The following KIF1C variants were observed in gnomAD, a reference collection of about 807,000 sequenced individuals.
KIF1C encodes the protein kinesin-like protein KIF1C.
A neutral mutation model predicts 126.5 loss-of-function variants in KIF1C; 61 were observed. That is an observed-to-expected ratio of 0.48 (90% CI 0.39 to 0.60). The LOEUF (loss-of-function observed/expected upper bound fraction) is 0.60, where lower values mean the gene tolerates loss of function less well. KIF1C is among the 20% of genes least tolerant of loss of function. The probability of loss-of-function intolerance (pLI) is 0.00; values close to 1 mark genes in which losing one functional copy is unlikely to be tolerated. For missense variants in KIF1C, 1,315 were observed against 1,489.2 expected (o/e 0.88, Z 1.93); for synonymous variants, 640 against 580.6 (o/e 1.10, Z -1.47).
Position 5,013,676 on chromosome 17 carries a change from C to G in KIF1C, c.1515C>G (p.Asn505Lys). The change falls in exon 17 of 23, where the codon AAC (asparagine) becomes AAG (lysine). Residue 505 changes from asparagine to lysine, a missense_variant. By Grantham distance (94) the Asn-to-Lys change is moderately conservative (BLOSUM62 0). This residue lies in a region of KIF1C where 874 missense variants were observed against 1,053.2 expected (regional missense o/e 0.83). Coordinates refer to ENST00000320785, the MANE Select transcript of KIF1C (RefSeq NM_006612.6). ...PKKTPHLVNLNEDPLMSECLL... is the reference protein window; with the variant it reads ...PKKTPHLVNLKEDPLMSECLL... ...AGACTCCCCACCTGGTGAACCTGAA[C>G]GAAGACCCTCTGATGTCTGAGTGTC... 1 of 1,613,750 alleles carries G rather than the reference C, an allele frequency of 6.2e-7. No individual in the cohort carries two copies. The highest frequency in any genetic ancestry group is 8.5e-7 in the Non-Finnish European group (1 of 1,179,740).
At chr17:5,003,482 T>A in intron 8 of KIF1C, 130 bp from the exon 9 acceptor site, 1 of 628,756 alleles carries the variant, frequency 1.6e-6, no homozygotes, top group African/African-American at 1.8e-5. Context: ...TCCCCCGGCC[T>A]CCTCCCTCGC....
At chr17:5,007,208 C>T (rs959092068) in intron 14 of KIF1C, 55 bp from the exon 15 acceptor site, 2 of 1,577,426 alleles carry the variant, frequency 1.3e-6, no homozygotes, top group African/African-American at 2.7e-5. Context: ...GTTGTCCCTA[C>T]CCTGGGTCTG....
intron 6 of KIF1C, 144 bp from the exon 7 acceptor site, chr17:5,002,320 C>T (rs1391471396): frequency 1.4e-5 from 13 of 941,908 alleles, no homozygotes; most frequent in Non-Finnish European, 2.1e-5. Context: ...GCTTGTTGGG[C>T]AGGTCGCTGA....
chr17:5,012,468 A>G (rs1172131403), intron 16 of KIF1C, among the ~76,000 whole-genome samples: 1 of 152,090 alleles, frequency 6.6e-6, no homozygotes, highest in Non-Finnish European at 1.5e-5. Context: ...GAGTGGAAGT[A>G]CAGAGTCTGG....
rs185481298 is a variant in KIF1C, at chr17:5,009,731, T to G, written c.1491+2189T>G. On this transcript the variant is annotated intron_variant, in intron 16 of 22. Transcript: ENST00000320785. ...TGAACCCGGGAGGCAGAGGTTGCAG[T>G]GAGCTGAGATCGCACCACTGCACTC... Among the ~76,000 whole-genome samples the G allele has an allele frequency of 6.9e-4, 101 of 147,202 alleles. No individual in the cohort carries two copies. The East Asian group carries it at 0.014, about 20-fold the overall frequency.
In KIF1C at chr17:5,003,535, C is replaced by G; in HGVS notation, c.721-77C>G. ...TAGCCCTTGCCAGCTGCCCACATTC[C>G]TGCTGGGTGCTTCCCTGATTTCCCT... is the stretch of plus-strand genomic sequence containing the variant. On this transcript the variant is annotated intron_variant, in intron 8 of 22. Coordinates refer to ENST00000320785, the MANE Select transcript of KIF1C (RefSeq NM_006612.6). 3 of 1,048,816 alleles carry G rather than the reference C, an allele frequency of 2.9e-6. No homozygotes were observed. The South Asian group carries it at 4.6e-5, about 16-fold the overall frequency. 65.0% of individuals were successfully genotyped at this position (1,048,816 alleles called of 1,614,324 possible). A position where few individuals can be genotyped will look rare whatever the true frequency, so the allele number is the denominator to read the frequency against.
At chr17:5,001,113 G>A in intron 4 of KIF1C, 109 bp from the exon 5 acceptor site, 5 of 1,193,532 alleles carry the variant, frequency 4.2e-6, no homozygotes, top group Non-Finnish European at 4.9e-6. Flanking sequence ...AGGGCACACA[G>A]GACATTTGGG....
Position 5,020,755 on chromosome 17 carries a change from T to C in KIF1C, c.1938-51T>C, listed in dbSNP as rs749445282. 1 of 1,603,014 alleles carries C rather than the reference T, an allele frequency of 6.2e-7. No homozygotes were observed. Among genetic ancestry groups the C allele is most frequent in the South Asian group, 1.1e-5 (1 of 90,108 alleles). ...GGCCTCTGGGCCCGTGTCCTCCTCT[T>C]GTCAGATACTCACCAAGGTTGCTCT... is the stretch of plus-strand genomic sequence containing the variant. On this transcript the variant is annotated intron_variant, in intron 20 of 22. Transcript: ENST00000320785. The surrounding 1 kb of genome is among the most constrained non-coding windows in gnomAD (Gnocchi z 5.8).
intron 16 of KIF1C, among the ~76,000 whole-genome samples, chr17:5,011,002 C>T (rs1169250301): frequency 6.6e-6 from 1 of 151,940 alleles, no homozygotes; most frequent in Non-Finnish European, 1.5e-5. Context: ...CCAATTTATA[C>T]TCCCAAGGGT....
intron 1 of KIF1C, among the ~76,000 whole-genome samples, chr17:4,999,631 C>T (rs1273693454): frequency 1.3e-5 from 2 of 152,186 alleles, no homozygotes; most frequent in African/African-American, 4.8e-5. Flanking sequence ...CTTTCTCTCT[C>T]TGTCCTCTAT....
chr17:5,017,015 G>A (rs1974985352), intron 18 of KIF1C, among the ~76,000 whole-genome samples: 3 of 152,098 alleles, frequency 2.0e-5, no homozygotes, highest in South Asian at 2.1e-4. Context: ...AAATGCTTCC[G>A]GCATTTTGGG....
At chr17:5,018,835 G>A (rs539555424) in intron 18 of KIF1C, among the ~76,000 whole-genome samples, 326 of 152,296 alleles carry the variant, frequency 2.1e-3, no homozygotes, top group African/African-American at 7.6e-3. Flanking sequence ...TATCACCAAT[G>A]TATTTCTGAG....
Position 5,000,032 on chromosome 17 carries a change from A to G in KIF1C, c.-28+62A>G, listed in dbSNP as rs980155341. On this transcript the variant is annotated intron_variant, in intron 2 of 22. Coordinates refer to ENST00000320785, the MANE Select transcript of KIF1C (RefSeq NM_006612.6). Reference sequence around the variant, plus strand: ...GAATATGGCTGGGGAGAGAGGCAGAAATACCTTTGGGAGTCTCTCAAGACA... The same window carrying G: ...GAATATGGCTGGGGAGAGAGGCAGAGATACCTTTGGGAGTCTCTCAAGACA... 5.4e-6 allele frequency: 3 copies of G among 560,580 alleles called. No individual in the cohort carries two copies. In the African/African-American group the frequency reaches 5.7e-5, roughly 11 times the overall value. 34.7% of individuals were successfully genotyped at this position (560,580 alleles called of 1,614,324 possible). A position where few individuals can be genotyped will look rare whatever the true frequency, so the allele number is the denominator to read the frequency against.
intron 18 of KIF1C, among the ~76,000 whole-genome samples, chr17:5,018,057 T>C (rs1424752538): frequency 1.3e-5 from 2 of 152,098 alleles, no homozygotes; most frequent in Non-Finnish European, 2.9e-5. Flanking sequence ...CATGGTTCAC[T>C]GTAGCCTCAA....
At chr17:5,000,011 A>G (rs970107588) in intron 2 of KIF1C, 41 bp downstream of exon 2, 8 of 523,600 alleles carry the variant, frequency 1.5e-5, no homozygotes, top group Admixed American at 1.3e-4. Flanking sequence ...AAGCTGGAAT[A>G]TGGCTGGGGA....
At position 5,006,957 on chromosome 17, in the gene KIF1C, C is replaced by T. The variant is rs371688297; in HGVS notation, c.1208C>T (p.Ala403Val). 5.5e-5 allele frequency: 88 copies of T among 1,609,080 alleles called. 1 individual carries two copies. Among genetic ancestry groups the T allele is most frequent in the Non-Finnish European group, 7.4e-5 (87 of 1,178,758 alleles). The change falls in exon 14 of 23, where the codon GCT becomes GTT. Residue 403 changes from alanine (A) to valine (V), a missense_variant. Transcript: ENST00000320785. ...GGGAGTGTCAGAGGCGCCCTGCCAG[C>T]TGTGTCATCTCCCCCAGCTCCAGTT... Reference protein sequence around the residue: ...EEGSVRGALPAVSSPPAPVSP... With the variant: ...EEGSVRGALPVVSSPPAPVSP...
At position 5,023,801 on chromosome 17, in the gene KIF1C, C is replaced by T. The variant is rs376256028; in HGVS notation, c.2962C>T (p.Arg988Trp). ...RFPFKSNPQH[R>W]ESWPGMGSGE... ...CCCCTTCAAGAGCAACCCCCAGCAC[C>T]GGGAGTCTTGGCCAGGGATGGGGAG... The change falls in exon 23 of 23, where the codon CGG (arginine) becomes TGG (tryptophan). Residue 988 changes from arginine (R) to tryptophan (W), a missense_variant. Coordinates refer to ENST00000320785, the MANE Select transcript of KIF1C (RefSeq NM_006612.6). The surrounding 1 kb of genome is among the most constrained non-coding windows in gnomAD (Gnocchi z 4.2). 23 of 1,519,074 alleles carry T rather than the reference C, an allele frequency of 1.5e-5. No homozygotes were observed. The highest frequency in any genetic ancestry group is 1.9e-5 in the Non-Finnish European group (22 of 1,135,534). The allele number at this position is 1,519,074 out of a possible 1,614,324, so 94.1% of individuals were successfully genotyped here.
rs775728965 is a variant in KIF1C, at chr17:5,007,524, C to G, written c.1473C>G (p.Gly491=). ...VAVREDGGTV[G]VFSPKKTPHL... is the part of the protein sequence containing the mutation. Reference sequence around the variant, plus strand: ...TCCGGGAGGATGGGGGAACTGTGGGCGTCTTCTCTCCAAAGAAGGTGAGTG... The same window carrying G: ...TCCGGGAGGATGGGGGAACTGTGGGGGTCTTCTCTCCAAAGAAGGTGAGTG... Residue 491 remains glycine, a synonymous_variant, in exon 16 of 23, where the codon GGC becomes GGG. Transcript: ENST00000320785. 5.8e-6 allele frequency: 9 copies of G among 1,559,754 alleles called. No homozygotes were observed. Among genetic ancestry groups the G allele is most frequent in the Middle Eastern group, 3.5e-4 (2 of 5,752 alleles).
At position 5,023,868 on chromosome 17, in the gene KIF1C, C is replaced by G. The variant is rs747596325; in HGVS notation, c.3029C>G (p.Thr1010Ser). The change falls in exon 23 of 23, where the codon ACT (threonine) becomes AGT (serine). Residue 1010 changes from threonine (T) to serine (S), a missense_variant. By Grantham distance (58) the Thr-to-Ser change is moderately conservative. Coordinates refer to ENST00000320785, the MANE Select transcript of KIF1C (RefSeq NM_006612.6). This position sits in a 1 kb window ranked among gnomAD's most constrained non-coding sequence, Gnocchi z 4.2. ...CCGCTCCAACCCCCTGAGGAGGTCA[C>G]TCCCCATCCAGCCACCCCTGCCCGC... ...PTPLQPPEEV[T>S]PHPATPARRP... is the part of the protein sequence containing the mutation. 3.3e-6 allele frequency: 5 copies of G among 1,530,724 alleles called. No individual in the cohort carries two copies. The highest frequency in any genetic ancestry group is 4.2e-5 in the Admixed American group (2 of 47,486). The allele number at this position is 1,530,724 out of a possible 1,614,324, so 94.8% of individuals were successfully genotyped here.
Sources: allele counts gnomAD v4.1 joint callset (sites outside exome capture counted in the v4.1 genomes callset), GRCh38; gene constraint gnomAD v4.1.1; regional missense constraint gnomAD v4.1.1; non-coding constraint Gnocchi (gnomAD v3.1); transcripts MANE v1.5; gene names NCBI Gene and HGNC (gene_info 2026-07-23, HGNC 2026-07-21).